The following STAT4 variants were observed in gnomAD, a reference collection of about 807,000 sequenced individuals.
STAT4 encodes the protein signal transducer and activator of transcription 4.
Under a neutral mutation model 110.5 loss-of-function variants are expected in STAT4, and 42 were observed. The ratio of observed to expected loss-of-function variants is 0.38; its 90% CI spans 0.30 to 0.49. The LOEUF (loss-of-function observed/expected upper bound fraction) is 0.49. STAT4 is among the 20% of genes least tolerant of loss of function. STAT4 has a pLI of 0.95. For missense variants in STAT4, 632 were observed against 887.9 expected (o/e 0.71, Z 3.66); for synonymous variants, 284 against 302.2 (o/e 0.94, Z 0.63).
At chr2:191,149,313 C>A (rs1227496921) in intron 1 of STAT4, among the ~76,000 whole-genome samples, 2 of 152,086 alleles carry the variant, frequency 1.3e-5, no homozygotes, top group Middle Eastern at 3.2e-3. Flanking sequence ...TCATTTTGAG[C>A]ACCTTTTCCC....
At chr2:191,103,967 C>T (rs1287739238) in intron 3 of STAT4, among the ~76,000 whole-genome samples, 1 of 152,102 alleles carries the variant, frequency 6.6e-6, no homozygotes, top group Non-Finnish European at 1.5e-5. Context: ...GATGTAGCTT[C>T]ATTTGCACAT....
At chr2:191,126,358 G>A (rs1378773370) in intron 3 of STAT4, among the ~76,000 whole-genome samples, 2 of 152,118 alleles carry the variant, frequency 1.3e-5, no homozygotes, top group Non-Finnish European at 2.9e-5. Flanking sequence ...TCCATGAAAT[G>A]GGGACAAATA....
intron 16 of STAT4, among the ~76,000 whole-genome samples, chr2:191,038,626 A>C (rs1394911993): frequency 6.6e-6 from 1 of 152,194 alleles, no homozygotes; most frequent in Non-Finnish European, 1.5e-5. Flanking sequence ...GTCTTATAAG[A>C]AGAACACCTA....
chr2:191,092,910 G>A (rs551205920), intron 3 of STAT4, among the ~76,000 whole-genome samples: 4 of 152,338 alleles, frequency 2.6e-5, no homozygotes, highest in East Asian at 1.9e-4. Flanking sequence ...CACGTGGCTC[G>A]GTGGGTCCCA....
At position 191,148,100 on chromosome 2, in the gene STAT4, G is replaced by A; in HGVS notation, c.104C>T (p.Ala35Val). The A allele has an allele frequency of 6.2e-7, 1 of 1,613,640 alleles. No individual in the cohort carries two copies. The highest frequency in any genetic ancestry group is 8.5e-7 in the Non-Finnish European group (1 of 1,179,740). Residue 35 changes from alanine (A) to valine (V), a missense_variant, in exon 2 of 24, where the codon GCC (alanine) becomes GTC (valine). Ala to Val is a moderately conservative substitution (Grantham distance 64, BLOSUM62 0). Transcript: ENST00000392320. ...CCAGTCTTGATTTTCAATCCATTGGGCCAACAGATGCCGAATTTCCATGGG... is the reference window on the plus strand; with the variant it reads ...CCAGTCTTGATTTTCAATCCATTGGACCAACAGATGCCGAATTTCCATGGG... ...NFPMEIRHLLAQWIENQDWEA... is the reference protein window; with the variant it reads ...NFPMEIRHLLVQWIENQDWEA...
chr2:191,093,329 C>T (rs1697860083), intron 3 of STAT4, among the ~76,000 whole-genome samples: 1 of 152,184 alleles, frequency 6.6e-6, no homozygotes, highest in African/African-American at 2.4e-5. Context: ...GTGGGTGCCC[C>T]TCTGGGATGA....
upstream of STAT4, chr2:191,151,565 T>G (rs1448218042): frequency 1.0e-6 from 1 of 985,436 alleles, no homozygotes; most frequent in African/African-American, 1.7e-5. The surrounding 1 kb of genome is among the most constrained non-coding windows in gnomAD (Gnocchi z 4.7). Flanking sequence ...TGACCTAGCC[T>G]CCTCCTACTC....
At chr2:191,114,990 A>G (rs1698534358) in intron 3 of STAT4, among the ~76,000 whole-genome samples, 1 of 152,208 alleles carries the variant, frequency 6.6e-6, no homozygotes, top group Non-Finnish European at 1.5e-5. Flanking sequence ...TTATGTGATA[A>G]AAAAGGTAAA....
chr2:191,081,934 G>T (rs1448916170), intron 3 of STAT4, among the ~76,000 whole-genome samples: 1 of 151,534 alleles, frequency 6.6e-6, no homozygotes, highest in African/African-American at 2.4e-5. Flanking sequence ...GCATCATGCT[G>T]GAAGTTAAGT....
chr2:191,103,039 C>T (rs1698186053), intron 3 of STAT4, among the ~76,000 whole-genome samples: 1 of 152,146 alleles, frequency 6.6e-6, no homozygotes, highest in Admixed American at 6.6e-5. Flanking sequence ...CTAGTCACAA[C>T]CTCTCTCTTT....
intron 3 of STAT4, among the ~76,000 whole-genome samples, chr2:191,105,958 T>C (rs1698267136): frequency 6.6e-6 from 1 of 152,206 alleles, no homozygotes; most frequent in African/African-American, 2.4e-5. Flanking sequence ...GATCTGAGAT[T>C]GTGGGTGCCT....
Position 191,091,120 on chromosome 2 carries a change from T to A in STAT4, c.274-14795A>T, listed in dbSNP as rs528996778. ...ATTAGAAAGTGTTTAGACAAGATTA[T>A]AAGGACAAGAAAATGAAATAGTAAA... On this transcript the variant is annotated intron_variant, in intron 3 of 23. Transcript: ENST00000392320. This position sits in a 1 kb window ranked among gnomAD's most constrained non-coding sequence, Gnocchi z 5.4. Among the ~76,000 whole-genome samples the A allele has an allele frequency of 6.6e-6, 1 of 152,016 alleles. No homozygotes were observed. Among genetic ancestry groups the A allele is most frequent in the African/African-American group, 2.4e-5 (1 of 41,380 alleles).
At position 191,060,673 on chromosome 2, in the gene STAT4, G is replaced by A. The variant is rs1014147068; in HGVS notation, c.1034+1056C>T. On this transcript the variant is annotated intron_variant, in intron 10 of 23. Coordinates refer to ENST00000392320, the MANE Select transcript of STAT4 (RefSeq NM_003151.4). The surrounding 1 kb of genome is among the most constrained non-coding windows in gnomAD (Gnocchi z 4.5). Reference sequence around the variant, plus strand: ...ACCTCAGGTGATCTGCCTTCCTCAGGCTCCCAAAGTGCTGGGATTATAGGC... The same window carrying A: ...ACCTCAGGTGATCTGCCTTCCTCAGACTCCCAAAGTGCTGGGATTATAGGC... Among the ~76,000 whole-genome samples, 2 of 152,066 alleles carry A rather than the reference G, an allele frequency of 1.3e-5. No individual in the cohort carries two copies. Among genetic ancestry groups the A allele is most frequent in the Non-Finnish European group, 2.9e-5 (2 of 68,008 alleles).
chr2:191,057,914 T>A (rs927760301), intron 13 of STAT4, 104 bp downstream of exon 13: 13 of 1,096,730 alleles, frequency 1.2e-5, no homozygotes, highest in Non-Finnish European at 1.7e-5. Context: ...TAATTTCAAA[T>A]AAGAAATATT....
In STAT4 at chr2:191,062,693, C is replaced by A; in HGVS notation, c.941+69G>T. ...CTTCCCTGCCACTCTTCCACCTAAA[C>A]ACCAAAACCTTAGGAAGGGTGTTCT... On this transcript the variant is annotated intron_variant, in intron 9 of 23. Transcript: ENST00000392320. This position sits in a 1 kb window ranked among gnomAD's most constrained non-coding sequence, Gnocchi z 4.9. 9 of 1,573,278 alleles carry A rather than the reference C, an allele frequency of 5.7e-6. No individual in the cohort carries two copies. Among genetic ancestry groups the A allele is most frequent in the Non-Finnish European group, 7.8e-6 (9 of 1,150,200 alleles).
chr2:191,034,189 A>T (rs569563376), intron 18 of STAT4, among the ~76,000 whole-genome samples, 184 bp from the exon 19 acceptor site: 3 of 152,136 alleles, frequency 2.0e-5, no homozygotes, highest in Non-Finnish European at 2.9e-5. Context: ...TTGGGAGGCC[A>T]AGGCGGGCAG....
chr2:191,075,533 A>G (rs1697289177), intron 4 of STAT4, among the ~76,000 whole-genome samples: 1 of 152,214 alleles, frequency 6.6e-6, no homozygotes, highest in South Asian at 2.1e-4. Context: ...CAGAACATAC[A>G]GGAAGAGGCA....
rs781117764 is a variant in STAT4, at chr2:191,140,181, C to T, written c.273+6432G>A. On this transcript the variant is annotated intron_variant, in intron 3 of 23. Coordinates refer to ENST00000392320, the MANE Select transcript of STAT4 (RefSeq NM_003151.4). The surrounding 1 kb of genome is among the most constrained non-coding windows in gnomAD (Gnocchi z 4.4). ...TTGGAAAAATACTTCTAGGCATTGG[C>T]TTAGGCAAAGAATTCATGGCTAAGA... is the stretch of plus-strand genomic sequence containing the variant. Among the ~76,000 whole-genome samples, 5 of 152,258 alleles carry T rather than the reference C, an allele frequency of 3.3e-5. No homozygotes were observed. The highest frequency in any genetic ancestry group is 7.4e-5 in the Non-Finnish European group (5 of 68,004).
At chr2:191,093,187 G>C (rs1321768528) in intron 3 of STAT4, among the ~76,000 whole-genome samples, 1 of 152,214 alleles carries the variant, frequency 6.6e-6, no homozygotes, top group East Asian at 1.9e-4. Context: ...GCTCTGAAGA[G>C]AGCAGTGGTT....
Sources: allele counts gnomAD v4.1 joint callset (sites outside exome capture counted in the v4.1 genomes callset), GRCh38; gene constraint gnomAD v4.1.1; non-coding constraint Gnocchi (gnomAD v3.1); transcripts MANE v1.5; gene names NCBI Gene and HGNC (gene_info 2026-07-23, HGNC 2026-07-21).